DMD: variants seen among roughly 807,000 people sequenced by gnomAD.
DMD encodes the protein mutant dystrophin.
DMD carries 63 observed loss-of-function variants against 330.1 expected under a neutral mutation model. The ratio of observed to expected loss-of-function variants is 0.19; its 90% confidence interval spans 0.16 to 0.24. The LOEUF is 0.24. Among genes scored for constraint, DMD ranks in the 10% least tolerant of loss-of-function variants. The probability of loss-of-function intolerance (pLI) is 1.00; values close to 1 mark genes in which losing one functional copy is unlikely to be tolerated. For synonymous variants in DMD, 1,223 were observed against 959.8 expected (o/e 1.27, Z -5.07); for missense variants, 3,344 against 2,684.1 (o/e 1.25, Z -5.43).
intron 44 of DMD, among the ~76,000 whole-genome samples, chrX:32,116,408 G>C (rs1453667141): frequency 8.9e-6 from 1 of 111,813 alleles, no homozygotes; most frequent in Non-Finnish European, 1.9e-5. Flanking sequence ...TTATTCTCTA[G>C]CTCACTACTA....
At chrX:31,716,676 T>G (rs1242498470) in intron 52 of DMD, among the ~76,000 whole-genome samples, 1 of 111,480 alleles carries the variant, frequency 9.0e-6, no homozygotes. Flanking sequence ...CTGAGAAATT[T>G]TAAGTCCCAT....
intron 44 of DMD, among the ~76,000 whole-genome samples, chrX:32,067,429 T>C (rs113636868): frequency 0.031 from 3,393 of 110,878 alleles, 131 homozygotes; most frequent in African/African-American, 0.1. Flanking sequence ...ATGCTGAGGT[T>C]TGGGATACAA....
intron 54 of DMD, among the ~76,000 whole-genome samples, chrX:31,645,632 T>C (rs1248254122): frequency 8.9e-6 from 1 of 112,536 alleles, no homozygotes; most frequent in Non-Finnish European, 1.9e-5. Flanking sequence ...GCCTATATGC[T>C]ATGCTATCTA....
At chrX:31,255,098 T>C (rs187245853) in intron 63 of DMD, among the ~76,000 whole-genome samples, 2 of 108,686 alleles carry the variant, frequency 1.8e-5, no homozygotes, top group African/African-American at 6.7e-5. Context: ...ATATTATGTG[T>C]GTGGGGGCAG....
intron 1 of DMD, among the ~76,000 whole-genome samples, chrX:33,240,753 C>G (rs185126985): frequency 8.9e-6 from 1 of 112,064 alleles, no homozygotes; most frequent in African/African-American, 3.2e-5. Flanking sequence ...TGATGTCATT[C>G]TAACAGGTTT....
chrX:31,347,907 C>G (rs762703556), intron 61 of DMD, among the ~76,000 whole-genome samples: 167 of 112,205 alleles, frequency 1.5e-3, no homozygotes, highest in African/African-American at 4.5e-3. Flanking sequence ...TGAATAATAG[C>G]CATTCTAATT....
At chrX:32,780,999 T>G (rs1342943858) in intron 7 of DMD, among the ~76,000 whole-genome samples, 1 of 108,174 alleles carries the variant, frequency 9.2e-6, no homozygotes. Context: ...GCGCCTGTAG[T>G]CCCAGCTACT....
chrX:32,428,247 T>C (rs763407751), intron 29 of DMD, among the ~76,000 whole-genome samples: 1 of 112,092 alleles, frequency 8.9e-6, no homozygotes, highest in African/African-American at 3.2e-5. Context: ...TTCTATGAAT[T>C]TTAACCATCC....
intron 62 of DMD, among the ~76,000 whole-genome samples, chrX:31,305,428 T>G (rs1210674369): frequency 8.9e-6 from 1 of 111,945 alleles, no homozygotes; most frequent in Non-Finnish European, 1.9e-5. Context: ...AGGAGACACC[T>G]GGATTGCCCT....
At chrX:31,133,080 T>C (rs2034726120) in intron 77 of DMD, among the ~76,000 whole-genome samples, 1 of 111,879 alleles carries the variant, frequency 8.9e-6, no homozygotes, top group Non-Finnish European at 1.9e-5. Flanking sequence ...GAAATGGCCA[T>C]TGTTAACTGA....
At chrX:31,603,026 G>A (rs764241072) in intron 55 of DMD, among the ~76,000 whole-genome samples, 3 of 111,574 alleles carry the variant, frequency 2.7e-5, no homozygotes, top group Non-Finnish European at 5.6e-5. Context: ...ATAAACAAAT[G>A]TGACAAGAGG....
At chrX:32,438,132 C>A in intron 29 of DMD, 109 bp downstream of exon 29, 1 of 861,808 alleles carries the variant, frequency 1.2e-6, no homozygotes, top group South Asian at 2.2e-5. Context: ...TCTCTGAAAC[C>A]TGAAAGCTGA....
intron 44 of DMD, among the ~76,000 whole-genome samples, chrX:32,138,501 G>C (rs990509743): frequency 1.8e-5 from 2 of 112,116 alleles, no homozygotes; most frequent in African/African-American, 3.2e-5. Context: ...TTGCATGTGA[G>C]TTCTGTTCCC....
At chrX:32,054,116 A>G (rs1195701335) in intron 44 of DMD, among the ~76,000 whole-genome samples, 1 of 106,046 alleles carries the variant, frequency 9.4e-6, no homozygotes, top group Non-Finnish European at 1.9e-5. Context: ...AGAGAGAGAG[A>G]GAGAGAGAGA....
chrX:32,504,225 T>G (rs1453471272), intron 18 of DMD, among the ~76,000 whole-genome samples: 2 of 112,547 alleles, frequency 1.8e-5, no homozygotes, highest in South Asian at 3.7e-4. Flanking sequence ...ATTCACTGGA[T>G]CAACTTCATT....
At chrX:31,964,164 T>C (rs1248470196) in intron 45 of DMD, among the ~76,000 whole-genome samples, 4 of 111,411 alleles carry the variant, frequency 3.6e-5, no homozygotes, top group African/African-American at 1.3e-4. Context: ...TTACTAGAAA[T>C]TCAGAGACTA....
At chrX:32,669,803 A>G (rs2061523024) in intron 9 of DMD, among the ~76,000 whole-genome samples, 1 of 111,128 alleles carries the variant, frequency 9.0e-6, no homozygotes, top group Non-Finnish European at 1.9e-5. Flanking sequence ...TGTTATTCAA[A>G]ACCTGCCAAT....
chrX:32,563,212 C>T (rs1292437645), intron 16 of DMD, among the ~76,000 whole-genome samples: 2 of 108,233 alleles, frequency 1.8e-5, no homozygotes, highest in African/African-American at 6.8e-5. Context: ...TCATGGTAGG[C>T]ACCTGTAGTC....
chrX:32,448,140 T>G (rs775262430), intron 27 of DMD, among the ~76,000 whole-genome samples: 2 of 111,238 alleles, frequency 1.8e-5, no homozygotes, highest in South Asian at 7.4e-4. Flanking sequence ...TATAGGATTT[T>G]ATGACCTAAT....
Sources: allele counts gnomAD v4.1 joint callset (sites outside exome capture counted in the v4.1 genomes callset), GRCh38; gene constraint gnomAD v4.1.1; transcripts MANE v1.5; gene names NCBI Gene and HGNC (gene_info 2026-07-23, HGNC 2026-07-21).